The following NOD2 variants were observed in gnomAD, a reference collection of about 807,000 sequenced individuals.
NOD2 encodes the protein nucleotide-binding oligomerization domain-containing protein 2.
A neutral mutation model predicts 90.9 loss-of-function variants in NOD2; 86 were observed. The observed-to-expected ratio is 0.95, with a 90% CI of 0.79 to 1.13. The LOEUF (loss-of-function observed/expected upper bound fraction) is 1.13, where lower values mean the gene tolerates loss of function less well. NOD2 is among the 50% of genes most tolerant of loss of function. NOD2 has a pLI of 0.00. For synonymous variants in NOD2, 581 were observed against 554.6 expected (o/e 1.05, Z -0.67); for missense variants, 1,238 against 1,283.8 (o/e 0.96, Z 0.55).
At chr16:50,705,693 C>G (rs1425223368) in intron 2 of NOD2, among the ~76,000 whole-genome samples, 1 of 152,084 alleles carries the variant, frequency 6.6e-6, no homozygotes, top group African/African-American at 2.4e-5. Context: ...ATTCCAGAGC[C>G]CTTTACAGAT....
chr16:50,696,298 A>T (rs1963643737), intron 1 of NOD2: 1 of 152,314 alleles, frequency 6.6e-6, no homozygotes, highest in Non-Finnish European at 1.5e-5. Context: ...CCTGGGTTTC[A>T]GGGAGGGCCC....
chr16:50,722,573 A>C (rs752655295), intron 7 of NOD2, 49 bp from the exon 8 acceptor site: 3 of 1,526,636 alleles, frequency 2.0e-6, no homozygotes, highest in Non-Finnish European at 1.8e-6. Context: ...TCTAGAACAC[A>C]TATCAGGTAC....
Position 50,714,602 on chromosome 16 carries a change from C to CTGTGTGTGTGTG in NOD2, c.2382-1955_2382-1944dup, listed in dbSNP as rs67559630. 5.9e-5 allele frequency among the ~76,000 whole-genome samples: 8 copies of CTGTGTGTGTGTG among 136,014 alleles called. 1 individual carries two copies. The highest frequency in any genetic ancestry group is 8.4e-5 in the African/African-American group (3 of 35,804). The allele number at this position is 136,014 out of a possible 152,430, so 89.2% of individuals were successfully genotyped here. The stretch of plus-strand genomic sequence containing the variant: ...CAACCATGAGGTTGCTGTGAGTGCA[C>CTGTGTGTGTGTG]TGTGTGTGTGTGTGTGTGTGTGTGT... On this transcript the variant is annotated intron_variant, in intron 4 of 11. Transcript: ENST00000647318.
chr16:50,701,824 C>A (rs961071770), intron 2 of NOD2, among the ~76,000 whole-genome samples: 2 of 152,082 alleles, frequency 1.3e-5, no homozygotes, highest in Non-Finnish European at 2.9e-5. Context: ...CAGAACCATA[C>A]AATAATGAGA....
At chr16:50,719,835 T>A (rs1964963799) in intron 6 of NOD2, 90 bp from the exon 7 acceptor site, 1 of 1,223,262 alleles carries the variant, frequency 8.2e-7, no homozygotes, top group Non-Finnish European at 1.2e-6. Flanking sequence ...TTCAATGCTT[T>A]CTTCCTGTGT....
chr16:50,717,214 T>C (rs553511567), intron 6 of NOD2, among the ~76,000 whole-genome samples: 1 of 152,354 alleles, frequency 6.6e-6, no homozygotes, highest in East Asian at 1.9e-4. Flanking sequence ...AAGAAAGCTT[T>C]TCTAGGCCCC....
At chr16:50,725,970 G>T (rs1965250597) in intron 10 of NOD2, among the ~76,000 whole-genome samples, 1 of 152,176 alleles carries the variant, frequency 6.6e-6, no homozygotes, top group African/African-American at 2.4e-5. Flanking sequence ...CTATGTTGAT[G>T]TGCGCTCATG....
In NOD2 at chr16:50,711,327, G is replaced by C; in HGVS notation, c.1335G>C (p.Leu445=). 6.2e-7 allele frequency: 1 copy of C among 1,613,690 alleles called. No homozygotes were observed. The highest frequency in any genetic ancestry group is 8.5e-7 in the Non-Finnish European group (1 of 1,180,046). The change falls in exon 4 of 12, where the codon CTG becomes CTC. Residue 445 remains leucine, a synonymous_variant. Coordinates refer to ENST00000647318, the MANE Select transcript of NOD2 (RefSeq NM_001370466.1). ...GGGTGGCGGACCGCCTCATCCGCCT[G>C]CTCCAAGAGACCTCAGCCCTGCACG... The part of the protein sequence containing the change: ...EPGVADRLIR[L]LQETSALHGL...
At chr16:50,724,001 T>C (rs1965180061) in intron 9 of NOD2, among the ~76,000 whole-genome samples, 1 of 152,192 alleles carries the variant, frequency 6.6e-6, no homozygotes, top group Admixed American at 6.5e-5. Flanking sequence ...AAGTCTTAGG[T>C]CATTTTGGAA....
chr16:50,711,310 G>C lies in NOD2; in HGVS notation c.1318G>C (p.Asp440His). 6.2e-7 allele frequency: 1 copy of C among 1,613,576 alleles called. No homozygotes were observed. The highest frequency in any genetic ancestry group is 8.5e-7 in the Non-Finnish European group (1 of 1,180,026). Reference protein sequence around the residue: ...RKRHHEPGVADRLIRLLQETS... With the variant: ...RKRHHEPGVAHRLIRLLQETS... ...GCGCCATCATGAGCCCGGGGTGGCG[G>C]ACCGCCTCATCCGCCTGCTCCAAGA... is the stretch of plus-strand genomic sequence containing the variant. Residue 440 changes from aspartate (D) to histidine (H), a missense_variant, in exon 4 of 12, where the codon GAC becomes CAC. Coordinates refer to ENST00000647318, the MANE Select transcript of NOD2 (RefSeq NM_001370466.1).
chr16:50,710,657 A>T lies in NOD2; in HGVS notation c.665A>T (p.Glu222Val), dbSNP rs117836686. 5 of 1,614,076 alleles carry T rather than the reference A, an allele frequency of 3.1e-6. No individual in the cohort carries two copies. The highest frequency in any genetic ancestry group is 4.2e-6 in the Non-Finnish European group (5 of 1,180,034). ...GATGGAGCAGAGACGCTCTGCCTGG[A>T]GGACATATACACAGAGAATGTCCTG... ...TYDGAETLCL[E>V]DIYTENVLEV... is the part of the protein sequence containing the mutation. The change falls in exon 4 of 12, where the codon GAG becomes GTG. Residue 222 changes from glutamate (E) to valine (V), a missense_variant. Glu to Val is a moderately radical substitution (Grantham distance 121). This residue lies in a region of NOD2 where 567 missense variants were observed against 577.3 expected (regional missense o/e 0.98). Transcript: ENST00000647318.
intron 11 of NOD2, among the ~76,000 whole-genome samples, chr16:50,730,833 A>T (rs1965428901): frequency 6.6e-6 from 1 of 152,220 alleles, no homozygotes; most frequent in Non-Finnish European, 1.5e-5. Context: ...TGCTTTAAAT[A>T]TGCAGGCCTT....
chr16:50,711,203 C>A lies in NOD2; in HGVS notation c.1211C>A (p.Ser404Ter). Residue 404 changes from serine (S) to a stop codon, truncating the protein, a stop_gained, in exon 4 of 12, where the codon TCG becomes TAG. Coordinates refer to ENST00000647318, the MANE Select transcript of NOD2 (RefSeq NM_001370466.1). LOFTEE classifies it high-confidence loss of function. The stretch of plus-strand genomic sequence containing the variant: ...GTGACCAGCCGTCCGGCCGCTGTGT[C>A]GGCGTTCCTCAGGAAGTACATCCGC... Reference protein sequence around the residue: ...KVVTSRPAAVSAFLRKYIRTE... With the variant: ...KVVTSRPAAV 1 of 1,614,046 alleles carries A rather than the reference C, an allele frequency of 6.2e-7. No homozygotes were observed.
rs1484221771 is a variant in NOD2 at position 50,711,856 on chromosome 16, A to T, written c.1864A>T (p.Ile622Phe). Reference protein sequence around the residue: ...PMARLLPTMCIQASEGKDSSV... With the variant: ...PMARLLPTMCFQASEGKDSSV... ...GGCCAGGCTCCTGCCCACGATGTGCATCCAGGCCTCGGAGGGAAAGGACAG... is the reference window on the plus strand; with the variant it reads ...GGCCAGGCTCCTGCCCACGATGTGCTTCCAGGCCTCGGAGGGAAAGGACAG... The change falls in exon 4 of 12, where the codon ATC (isoleucine) becomes TTC (phenylalanine). Residue 622 changes from isoleucine to phenylalanine, a missense_variant. Ile to Phe is a conservative substitution (Grantham distance 21). Coordinates refer to ENST00000647318, the MANE Select transcript of NOD2 (RefSeq NM_001370466.1). The T allele has an allele frequency of 5.6e-6, 9 of 1,611,958 alleles. No individual in the cohort carries two copies. In the East Asian group the frequency reaches 6.7e-5, roughly 12 times the overall value.
At position 50,711,041 on chromosome 16, in the gene NOD2, C is replaced by G. The variant is rs1567391045; in HGVS notation, c.1049C>G (p.Thr350Ser). 2.5e-6 allele frequency: 4 copies of G among 1,614,232 alleles called. No individual in the cohort carries two copies. The highest frequency in any genetic ancestry group is 3.4e-6 in the Non-Finnish European group (4 of 1,180,042). Residue 350 changes from threonine to serine, a missense_variant, in exon 4 of 12, where the codon ACC becomes AGC. Physicochemically the swap from Thr to Ser is moderately conservative, Grantham distance 58. Coordinates refer to ENST00000647318, the MANE Select transcript of NOD2 (RefSeq NM_001370466.1). ...LLDHPDRVLLTFDGFDEFKFR... is the reference protein window; with the variant it reads ...LLDHPDRVLLSFDGFDEFKFR... ...GACCACCCTGACCGTGTCCTGTTAACCTTTGATGGCTTTGACGAGTTCAAG... is the reference window on the plus strand; with the variant it reads ...GACCACCCTGACCGTGTCCTGTTAAGCTTTGATGGCTTTGACGAGTTCAAG...
intron 9 of NOD2, among the ~76,000 whole-genome samples, chr16:50,723,657 T>C (rs1438793727): frequency 6.6e-6 from 1 of 152,230 alleles, no homozygotes; most frequent in African/African-American, 2.4e-5. Context: ...GCACAGACTC[T>C]GTAATCAAGC....
intron 10 of NOD2, chr16:50,727,780 T>G: frequency 2.9e-6 from 1 of 340,218 alleles, no homozygotes; most frequent in Non-Finnish European, 5.8e-6. Flanking sequence ...GGTGTTGCAG[T>G]TTTCAGTGCA....
intron 11 of NOD2, 94 bp from the exon 12 acceptor site, chr16:50,731,653 C>T (rs1351668432): frequency 7.9e-6 from 7 of 884,922 alleles, no homozygotes; most frequent in Non-Finnish European, 1.3e-5. Context: ...GTCAGCCCAT[C>T]CCAGGCATGG....
At chr16:50,723,136 GTA>G (rs1965136172) in intron 8 of NOD2, among the ~76,000 whole-genome samples, 163 bp from the exon 9 acceptor site, 1 of 118,658 alleles carries the variant, frequency 8.4e-6, no homozygotes, top group Non-Finnish European at 1.8e-5. Flanking sequence ...TCTAAAAAGG[GTA>G]GAAAAAAAAA....
Sources: gnomAD v4.1 joint callset for allele counts (sites outside exome capture counted in the v4.1 genomes callset) on GRCh38, gnomAD v4.1.1 for gene constraint, gnomAD v4.1.1 regional missense constraint, MANE v1.5 for transcripts, NCBI Gene and HGNC (gene_info 2026-07-23, HGNC 2026-07-21) for gene names.